The following LCE1B variants were observed in gnomAD, a reference collection of about 807,000 sequenced individuals.
The protein encoded by LCE1B is late cornified envelope 1B, also known as late cornified envelope protein 1B.
For missense variants in LCE1B, 151 were observed against 147.2 expected (o/e 1.03, Z -0.14); for synonymous variants, 56 against 55.9 (o/e 1.00, Z -0.01).
Position 152,812,824 on chromosome 1 carries a change from G to T in LCE1B, c.*21G>T, listed in dbSNP as rs751456794. 6.4e-7 allele frequency: 1 copy of T among 1,557,748 alleles called. No homozygotes were observed. On this transcript the variant is annotated 3_prime_UTR_variant, in exon 1 of 1. Transcript: ENST00000360090. ...GCTAAAGTGGATCCTGAGCCTAGAAGAACACAAATGGCCAAATATTTCCCT... is the reference window on the plus strand; with the variant it reads ...GCTAAAGTGGATCCTGAGCCTAGAATAACACAAATGGCCAAATATTTCCCT...
Position 152,812,531 on chromosome 1 carries a change from T to C in LCE1B, c.85T>C (p.Cys29Arg), listed in dbSNP as rs771619723. Residue 29 changes from cysteine to arginine, a missense_variant, in exon 1 of 1, where the codon TGC (cysteine) becomes CGC (arginine). Transcript: ENST00000360090. ...KCPPKCLTPR[C>R]PPKCPPKCPP... ...CCCTCCCAAGTGCCTCACCCCTAGATGCCCCCCAAAGTGTCCCCCTAAGTG... is the reference window on the plus strand; with the variant it reads ...CCCTCCCAAGTGCCTCACCCCTAGACGCCCCCCAAAGTGTCCCCCTAAGTG... 1 of 1,613,968 alleles carries C rather than the reference T, an allele frequency of 6.2e-7. No homozygotes were observed. Among genetic ancestry groups the C allele is most frequent in the Non-Finnish European group, 8.5e-7 (1 of 1,179,968 alleles).
At position 152,812,645 on chromosome 1, in the gene LCE1B, T is replaced by C; in HGVS notation, c.199T>C (p.Cys67Arg). Residue 67 changes from cysteine (C) to arginine (R), a missense_variant, in exon 1 of 1, where the codon TGC (cysteine) becomes CGC (arginine). Physicochemically the swap from Cys to Arg is radical, Grantham distance 180 (BLOSUM62 -3). Coordinates refer to ENST00000360090, the MANE Select transcript of LCE1B (RefSeq NM_178349.2). ...GGSCGSSSGGCCSSGGGGCCL... is the reference protein window; with the variant it reads ...GGSCGSSSGGRCSSGGGGCCL... ...AAGCTGTGGCTCCAGCTCTGGGGGT[T>C]GCTGCAGTTCTGGGGGAGGTGGCTG... 1.9e-6 allele frequency: 3 copies of C among 1,614,032 alleles called. No homozygotes were observed. The highest frequency in any genetic ancestry group is 8.5e-7 in the Non-Finnish European group (1 of 1,180,004).
Position 152,812,986 on chromosome 1 carries a change from A to G in LCE1B, c.*183A>G. 2.8e-6 allele frequency: 2 copies of G among 722,338 alleles called. No homozygotes were observed. The highest frequency in any genetic ancestry group is 4.1e-5 in the South Asian group (2 of 48,360). The allele number at this position is 722,338 out of a possible 1,614,324, so 44.7% of individuals were successfully genotyped here. On this transcript the variant is annotated 3_prime_UTR_variant, in exon 1 of 1. Transcript: ENST00000360090. ...TCCCCCAAAGCCAAGCCATTTAATGACCTCAGTTTGCGTATGTGTGGTTGC... is the reference window on the plus strand; with the variant it reads ...TCCCCCAAAGCCAAGCCATTTAATGGCCTCAGTTTGCGTATGTGTGGTTGC...
chr1:152,812,170 G>T lies in LCE1B; in HGVS notation c.-277G>T. 2 of 466,948 alleles carry T rather than the reference G, an allele frequency of 4.3e-6. No individual in the cohort carries two copies. The highest frequency in any genetic ancestry group is 3.6e-5 in the Admixed American group (1 of 27,874). The allele number at this position is 466,948 out of a possible 1,614,324, so 28.9% of individuals were successfully genotyped here. Reference sequence around the variant, plus strand: ...GAGAATACTTTCTTAATATCTTTTGGCTTCGGTTTTCTAATTATAAAATAG... The same window carrying T: ...GAGAATACTTTCTTAATATCTTTTGTCTTCGGTTTTCTAATTATAAAATAG... On this transcript the variant is annotated 5_prime_UTR_variant, in exon 1 of 1. Coordinates refer to ENST00000360090, the MANE Select transcript of LCE1B (RefSeq NM_178349.2).
Position 152,812,865 on chromosome 1 carries a change from C to A in LCE1B, c.*62C>A. On this transcript the variant is annotated 3_prime_UTR_variant, in exon 1 of 1. Transcript: ENST00000360090. ...ATATTTCCCTTCCGTCTTCCTTCTC[C>A]TTCTGGGCCTGCCCATGTTGTTGAG... The A allele has an allele frequency of 6.6e-7, 1 of 1,511,618 alleles. No homozygotes were observed. Among genetic ancestry groups the A allele is most frequent in the African/African-American group, 1.4e-5 (1 of 71,738 alleles). 93.6% of individuals were successfully genotyped at this position (1,511,618 alleles called of 1,614,324 possible). A position where few individuals can be genotyped will look rare whatever the true frequency, so the allele number is the denominator to read the frequency against.
rs994939891 is a variant in LCE1B at position 152,812,982 on chromosome 1, A to G, written c.*179A>G. Reference sequence around the variant, plus strand: ...CTTCTCCCCCAAAGCCAAGCCATTTAATGACCTCAGTTTGCGTATGTGTGG... The same window carrying G: ...CTTCTCCCCCAAAGCCAAGCCATTTGATGACCTCAGTTTGCGTATGTGTGG... On this transcript the variant is annotated 3_prime_UTR_variant, in exon 1 of 1. Coordinates refer to ENST00000360090, the MANE Select transcript of LCE1B (RefSeq NM_178349.2). The G allele has an allele frequency of 1.3e-6, 1 of 742,134 alleles. No homozygotes were observed. The allele number at this position is 742,134 out of a possible 1,614,324, so 46.0% of individuals were successfully genotyped here.
In LCE1B at chr1:152,812,769, G is replaced by A. The variant is rs145979350; in HGVS notation, c.323G>A (p.Gly108Glu). Residue 108 changes from glycine (G) to glutamate (E), a missense_variant, in exon 1 of 1, where the codon GGA (glycine) becomes GAA (glutamate). By Grantham distance (98) the Gly-to-Glu change is moderately conservative. Transcript: ENST00000360090. ...QPSGGSSCCG[G>E]GSGQHSGGCC ...TCCGGGGGCTCCAGCTGCTGTGGAG[G>A]AGGGAGTGGCCAGCACTCTGGAGGC... The A allele has an allele frequency of 1.3e-5, 21 of 1,612,358 alleles. No individual in the cohort carries two copies. The highest frequency in any genetic ancestry group is 1.6e-4 in the Middle Eastern group (1 of 6,076).
rs758343275 is a variant in LCE1B, at chr1:152,812,548, C to T, written c.102C>T (p.Pro34=). 1.2e-5 allele frequency: 20 copies of T among 1,614,094 alleles called. No homozygotes were observed. The highest frequency in any genetic ancestry group is 1.5e-5 in the Non-Finnish European group (18 of 1,180,022). ...CCCCTAGATGCCCCCCAAAGTGTCC[C>T]CCTAAGTGTCCTCCAGTCTCTTCCT... The part of the protein sequence containing the change: ...CLTPRCPPKC[P]PKCPPVSSCC... The change falls in exon 1 of 1, where the codon CCC becomes CCT. Residue 34 remains proline (P), a synonymous_variant. Transcript: ENST00000360090.
Position 152,812,894 on chromosome 1 carries a change from T to A in LCE1B, c.*91T>A. 7.0e-7 allele frequency: 1 copy of A among 1,418,726 alleles called. No homozygotes were observed. 87.9% of individuals were successfully genotyped at this position (1,418,726 alleles called of 1,614,324 possible). A position where few individuals can be genotyped will look rare whatever the true frequency, so the allele number is the denominator to read the frequency against. On this transcript the variant is annotated 3_prime_UTR_variant, in exon 1 of 1. Coordinates refer to ENST00000360090, the MANE Select transcript of LCE1B (RefSeq NM_178349.2). ...TGGGCCTGCCCATGTTGTTGAGAGG[T>A]CTTGGTGAGGGCTCAACTCAAGCAT... is the stretch of plus-strand genomic sequence containing the variant.
Position 152,812,482 on chromosome 1 carries a change from C to A in LCE1B, c.36C>A (p.Pro12=). The A allele has an allele frequency of 6.2e-7, 1 of 1,614,102 alleles. No individual in the cohort carries two copies. Among genetic ancestry groups the A allele is most frequent in the Non-Finnish European group, 8.5e-7 (1 of 1,180,010 alleles). The change falls in exon 1 of 1, where the codon CCC becomes CCA. Residue 12 remains proline, a synonymous_variant. Transcript: ENST00000360090. Reference sequence around the variant, plus strand: ...AGCAGAACCAGCAGCAGTGCCAGCCCCCTCCCAAGTGCATCCCCAAGTGCC... The same window carrying A: ...AGCAGAACCAGCAGCAGTGCCAGCCACCTCCCAAGTGCATCCCCAAGTGCC... ...SCQQNQQQCQ[P]PPKCIPKCPP...
rs1429538201 is a variant in LCE1B, at chr1:152,813,027, G to T, written c.*224G>T. On this transcript the variant is annotated 3_prime_UTR_variant, in exon 1 of 1. Transcript: ENST00000360090. ...GTGTGGTTGCTCTGGGAAGCCCAAA[G>T]CACAGACCTATATCCCTTTGCAGCT... 3 of 595,298 alleles carry T rather than the reference G, an allele frequency of 5.0e-6. No individual in the cohort carries two copies. The Admixed American group carries it at 9.5e-5, about 19-fold the overall frequency. 36.9% of individuals were successfully genotyped at this position (595,298 alleles called of 1,614,324 possible).
Position 152,812,307 on chromosome 1 carries a change from A to G in LCE1B, c.-140A>G, listed in dbSNP as rs1368243121. On this transcript the variant is annotated 5_prime_UTR_variant, in exon 1 of 1. It removes the in-frame stop codon of an upstream open reading frame in the 5' UTR. Transcript: ENST00000360090. ...ACAATGAAACTTCCCGTGATTAATT[A>G]GCTACAACTACACTAAGCAGTTCAT... 2 of 815,928 alleles carry G rather than the reference A, an allele frequency of 2.5e-6. No homozygotes were observed. Among genetic ancestry groups the G allele is most frequent in the Admixed American group, 2.1e-5 (1 of 47,770 alleles). The allele number at this position is 815,928 out of a possible 1,614,324, so 50.5% of individuals were successfully genotyped here. A position where few individuals can be genotyped will look rare whatever the true frequency, so the allele number is the denominator to read the frequency against.
Position 152,812,464 on chromosome 1 carries a change from C to G in LCE1B, c.18C>G (p.Asn6Lys). The G allele has an allele frequency of 1.2e-6, 2 of 1,614,112 alleles. No homozygotes were observed. The highest frequency in any genetic ancestry group is 8.5e-7 in the Non-Finnish European group (1 of 1,180,010). The part of the protein sequence containing the change: MSCQQ[N>K]QQQCQPPPKC... ...GCACCAAGATGTCCTGCCAGCAGAACCAGCAGCAGTGCCAGCCCCCTCCCA... is the reference window on the plus strand; with the variant it reads ...GCACCAAGATGTCCTGCCAGCAGAAGCAGCAGCAGTGCCAGCCCCCTCCCA... Residue 6 changes from asparagine to lysine, a missense_variant, in exon 1 of 1, where the codon AAC (asparagine) becomes AAG (lysine). Physicochemically the swap from Asn to Lys is moderately conservative, Grantham distance 94. Transcript: ENST00000360090.
Position 152,812,656 on chromosome 1 carries a change from TG to T in LCE1B, c.215del (p.Gly72GlufsTer6). On this transcript the variant is annotated frameshift_variant, in exon 1 of 1. Coordinates refer to ENST00000360090, the MANE Select transcript of LCE1B (RefSeq NM_178349.2). LOFTEE classifies it high-confidence loss of function. ...GSSSGGCCSS[G>X]GGGCCLSHHR... Reference sequence around the variant, plus strand: ...CCAGCTCTGGGGGTTGCTGCAGTTCTGGGGGAGGTGGCTGCTGCCTGAGCCA... The same window carrying T: ...CCAGCTCTGGGGGTTGCTGCAGTTCTGGGGAGGTGGCTGCTGCCTGAGCCA... 1 of 1,614,082 alleles carries T rather than the reference TG, an allele frequency of 6.2e-7. No individual in the cohort carries two copies. The highest frequency in any genetic ancestry group is 1.1e-5 in the South Asian group (1 of 91,068).
Position 152,813,027 on chromosome 1 carries a change from G to A in LCE1B, c.*224G>A, listed in dbSNP as rs1429538201. On this transcript the variant is annotated 3_prime_UTR_variant, in exon 1 of 1. Transcript: ENST00000360090. ...GTGTGGTTGCTCTGGGAAGCCCAAA[G>A]CACAGACCTATATCCCTTTGCAGCT... The A allele has an allele frequency of 3.4e-6, 2 of 595,416 alleles. No homozygotes were observed. The highest frequency in any genetic ancestry group is 6.0e-6 in the Non-Finnish European group (2 of 332,662). 36.9% of individuals were successfully genotyped at this position (595,416 alleles called of 1,614,324 possible). A position where few individuals can be genotyped will look rare whatever the true frequency, so the allele number is the denominator to read the frequency against.
In LCE1B at chr1:152,812,402, A is replaced by T. The variant is rs761048241; in HGVS notation, c.-45A>T. 27 of 1,595,204 alleles carry T rather than the reference A, an allele frequency of 1.7e-5. No homozygotes were observed. Among genetic ancestry groups the T allele is most frequent in the East Asian group, 2.2e-5 (1 of 44,780 alleles). On this transcript the variant is annotated 5_prime_UTR_variant, in exon 1 of 1. Transcript: ENST00000360090. ...CCGGGGTGGCCTCTACCTGGGTCTA[A>T]CTTGCTGTCTGACTCTCTCTCAGCT...
In LCE1B at chr1:152,812,672, T is replaced by C; in HGVS notation, c.226T>C (p.Cys76Arg). The C allele has an allele frequency of 6.2e-7, 1 of 1,614,050 alleles. No homozygotes were observed. Among genetic ancestry groups the C allele is most frequent in the Non-Finnish European group, 8.5e-7 (1 of 1,180,000 alleles). Residue 76 changes from cysteine to arginine, a missense_variant, in exon 1 of 1, where the codon TGC (cysteine) becomes CGC (arginine). Coordinates refer to ENST00000360090, the MANE Select transcript of LCE1B (RefSeq NM_178349.2). Reference sequence around the variant, plus strand: ...CTGCAGTTCTGGGGGAGGTGGCTGCTGCCTGAGCCACCACAGGCGCCGTAG... The same window carrying C: ...CTGCAGTTCTGGGGGAGGTGGCTGCCGCCTGAGCCACCACAGGCGCCGTAG... ...GCCSSGGGGCCLSHHRRRRSH... is the reference protein window; with the variant it reads ...GCCSSGGGGCRLSHHRRRRSH...
In LCE1B at chr1:152,812,185, T is replaced by G; in HGVS notation, c.-262T>G. The stretch of plus-strand genomic sequence containing the variant: ...ATATCTTTTGGCTTCGGTTTTCTAA[T>G]TATAAAATAGTTGAAAATGCTTTAT... On this transcript the variant is annotated 5_prime_UTR_variant, in exon 1 of 1. Coordinates refer to ENST00000360090, the MANE Select transcript of LCE1B (RefSeq NM_178349.2). 1 of 504,844 alleles carries G rather than the reference T, an allele frequency of 2.0e-6. No homozygotes were observed. The allele number at this position is 504,844 out of a possible 1,614,324, so 31.3% of individuals were successfully genotyped here.
At position 152,813,095 on chromosome 1, in the gene LCE1B, A is replaced by T. The variant is rs148497513; in HGVS notation, c.*292A>T. The T allele has an allele frequency of 1.7e-5, 7 of 418,694 alleles. No homozygotes were observed. Among genetic ancestry groups the T allele is most frequent in the Non-Finnish European group, 3.1e-5 (7 of 228,834 alleles). 25.9% of individuals were successfully genotyped at this position (418,694 alleles called of 1,614,324 possible). ...CAGCCTGATGTGAAACAATAAAACC[A>T]GAAATATGCATTCCTTTTTGCCTTG... On this transcript the variant is annotated 3_prime_UTR_variant, in exon 1 of 1. Transcript: ENST00000360090.
Sources: gnomAD v4.1 joint callset for allele counts on GRCh38, gnomAD v4.1.1 for gene constraint, MANE v1.5 for transcripts, NCBI Gene and HGNC (gene_info 2026-07-23, HGNC 2026-07-21) for gene names.